SYT6: variants seen among roughly 807,000 people sequenced by gnomAD.
The protein encoded by SYT6 is synaptotagmin-6.
In SYT6, 24 loss-of-function variants were observed where a neutral mutation model predicts 38.4. The observed-to-expected ratio is 0.62, with a 90% confidence interval of 0.45 to 0.88. The LOEUF (loss-of-function observed/expected upper bound fraction) is 0.88. SYT6 is among the 40% of genes least tolerant of loss of function. The pLI is 0.00. For missense variants in SYT6, 611 were observed against 621.0 expected (o/e 0.98, Z 0.17); for synonymous variants, 265 against 241.9 (o/e 1.10, Z -0.89).
intron 1 of SYT6, among the ~76,000 whole-genome samples, chr1:114,150,018 C>A (rs1244220665): frequency 6.6e-6 from 1 of 152,114 alleles, no homozygotes; most frequent in African/African-American, 2.4e-5. Context: ...AAGGGTGCCA[C>A]CCAGTTTAGT....
chr1:114,124,539 G>T (rs1052965147), intron 3 of SYT6, among the ~76,000 whole-genome samples: 5 of 152,194 alleles, frequency 3.3e-5, no homozygotes, highest in Admixed American at 1.3e-4. Context: ...CCACTGGGAA[G>T]TGGCACTTTC....
At chr1:114,113,453 T>C (rs1461409917) in intron 3 of SYT6, among the ~76,000 whole-genome samples, 1 of 152,176 alleles carries the variant, frequency 6.6e-6, no homozygotes, top group Admixed American at 6.5e-5. Flanking sequence ...CAGACTCATA[T>C]ATCCAAAATG....
rs764887193 is a variant in SYT6, at chr1:114,137,901, G to T, written c.665C>A (p.Ala222Asp). 12 of 1,613,926 alleles carry T rather than the reference G, an allele frequency of 7.4e-6. No homozygotes were observed. In the Admixed American group the frequency reaches 1.2e-4, roughly 16 times the overall value. ...GCAGCTCTTGGTGGCCTCAGACTTG[G>T]CATCCTCCCCATCCACCGACTTCTG... ...YKQKSVDGED[A>D]KSEATKSCGK... Residue 222 changes from alanine to aspartate, a missense_variant, in exon 3 of 8, where the codon GCC (alanine) becomes GAC (aspartate). Coordinates refer to ENST00000610222, the MANE Select transcript of SYT6 (RefSeq NM_001253772.2).
Position 114,137,575 on chromosome 1 carries a change from C to T in SYT6, c.991G>A (p.Val331Ile). The change falls in exon 3 of 8, where the codon GTC becomes ATC. Residue 331 changes from valine to isoleucine, a missense_variant. By Grantham distance (29) the Val-to-Ile change is conservative. Transcript: ENST00000610222. ...GCCTCAAAGAGGTTGTCCAGGATGA[C>T]CTCGCCAATCATGTCATGGCGGGAG... Reference protein sequence around the residue: ...RFSRHDMIGEVILDNLFEASD... With the variant: ...RFSRHDMIGEIILDNLFEASD... The T allele has an allele frequency of 6.2e-7, 1 of 1,614,210 alleles. No individual in the cohort carries two copies. Among genetic ancestry groups the T allele is most frequent in the South Asian group, 1.1e-5 (1 of 91,076 alleles).
intron 3 of SYT6, among the ~76,000 whole-genome samples, chr1:114,117,394 G>T (rs940575097): frequency 1.3e-5 from 2 of 152,216 alleles, no homozygotes; most frequent in African/African-American, 2.4e-5. Flanking sequence ...TAAGCCCACT[G>T]GGTGTGCAGT....
At chr1:114,142,628 G>C (rs745974027) in intron 1 of SYT6, among the ~76,000 whole-genome samples, 2 of 152,138 alleles carry the variant, frequency 1.3e-5, no homozygotes, top group Non-Finnish European at 2.9e-5. Flanking sequence ...TCAGACAGCG[G>C]TGCATGCTAC....
At chr1:114,094,415 T>G (rs1045165515) in intron 6 of SYT6, among the ~76,000 whole-genome samples, 31 of 152,262 alleles carry the variant, frequency 2.0e-4, no homozygotes, top group African/African-American at 7.0e-4. Flanking sequence ...CCGGCCCCCG[T>G]AATAAAATGC....
At chr1:114,102,962 T>C (rs12080255) in intron 4 of SYT6, among the ~76,000 whole-genome samples, 4,628 of 152,322 alleles carry the variant, frequency 0.03, 235 homozygotes, top group African/African-American at 0.11. Flanking sequence ...CAGGTCTCTG[T>C]GCAGCTGCCC....
intron 3 of SYT6, among the ~76,000 whole-genome samples, chr1:114,108,690 C>G (rs2101004137): frequency 6.6e-6 from 1 of 152,330 alleles, no homozygotes; most frequent in East Asian, 1.9e-4. Context: ...TCCAAATGCT[C>G]CCATTTTTTA....
chr1:114,103,192 A>G (rs953687289), intron 4 of SYT6, among the ~76,000 whole-genome samples: 15 of 148,646 alleles, frequency 1.0e-4, no homozygotes, highest in Admixed American at 3.3e-4. Flanking sequence ...CACTCAAACG[A>G]CATAACCCTG....
At position 114,137,867 on chromosome 1, in the gene SYT6, G is replaced by T. The variant is rs1678586316; in HGVS notation, c.699C>A (p.Ile233=). ...CGTAATCGTAGCGTAGGCTGAAGTT[G>T]ATCTTCCCGCAGCTCTTGGTGGCCT... The part of the protein sequence containing the change: ...KSEATKSCGK[I]NFSLRYDYET... The change falls in exon 3 of 8, where the codon ATC becomes ATA. Residue 233 remains isoleucine, a synonymous_variant. Transcript: ENST00000610222. The T allele has an allele frequency of 3.1e-6, 5 of 1,614,034 alleles. No homozygotes were observed. Among genetic ancestry groups the T allele is most frequent in the Middle Eastern group, 1.6e-4 (1 of 6,062 alleles).
In SYT6 at chr1:114,137,595, C is replaced by T. The variant is rs200072587; in HGVS notation, c.971G>A (p.Arg324His). 8.9e-5 allele frequency: 144 copies of T among 1,614,144 alleles called. No individual in the cohort carries two copies. Among genetic ancestry groups the T allele is most frequent in the East Asian group, 4.5e-5 (2 of 44,880 alleles). Residue 324 changes from arginine (R) to histidine (H), a missense_variant, in exon 3 of 8, where the codon CGC (arginine) becomes CAC (histidine). By Grantham distance (29) the Arg-to-His change is conservative. Transcript: ENST00000610222. Reference sequence around the variant, plus strand: ...GATGACCTCGCCAATCATGTCATGGCGGGAGAAGCGGTCAAAGTCGAAGAC... The same window carrying T: ...GATGACCTCGCCAATCATGTCATGGTGGGAGAAGCGGTCAAAGTCGAAGAC... Reference protein sequence around the residue: ...LSVFDFDRFSRHDMIGEVILD... With the variant: ...LSVFDFDRFSHHDMIGEVILD...
intron 3 of SYT6, among the ~76,000 whole-genome samples, chr1:114,111,362 G>A (rs1047181409): frequency 6.6e-6 from 1 of 152,180 alleles, no homozygotes; most frequent in African/African-American, 2.4e-5. Flanking sequence ...GAGAGGTTAT[G>A]CAAGTGGCCC....
rs1678751622 is a variant in SYT6 at position 114,139,801 on chromosome 1, G to A, written c.326C>T (p.Pro109Leu). ...ANPPLEALQS[P>L]SFRGNMADKL... ...GTCCGCCATGTTGCCTCTGAAGCTG[G>A]GGCTCTGGAGGGCTTCCAAGGGGGG... is the stretch of plus-strand genomic sequence containing the variant. The change falls in exon 2 of 8, where the codon CCC becomes CTC. Residue 109 changes from proline to leucine, a missense_variant. Pro to Leu is a moderately conservative substitution (Grantham distance 98). Coordinates refer to ENST00000610222, the MANE Select transcript of SYT6 (RefSeq NM_001253772.2). 2 of 1,607,170 alleles carry A rather than the reference G, an allele frequency of 1.2e-6. No homozygotes were observed. Among genetic ancestry groups the A allele is most frequent in the Non-Finnish European group, 1.7e-6 (2 of 1,176,062 alleles).
At chr1:114,106,008 G>A (rs192797105) in intron 3 of SYT6, among the ~76,000 whole-genome samples, 1 of 152,178 alleles carries the variant, frequency 6.6e-6, no homozygotes, top group African/African-American at 2.4e-5. Context: ...AGGTGCTGGA[G>A]TCCCCATCTC....
rs368319366 is a variant in SYT6, at chr1:114,137,945, G to A, written c.621C>T (p.Ile207=). The change falls in exon 3 of 8, where the codon ATC becomes ATT. Residue 207 remains isoleucine (I), a synonymous_variant. Coordinates refer to ENST00000610222, the MANE Select transcript of SYT6 (RefSeq NM_001253772.2). The part of the protein sequence containing the change: ...AAEQPTSIGR[I]KPELYKQKSV... ...ACTTCTGCTTGTAGAGCTCAGGCTTGATGCGGCCAATGCTGGTGGGCTGCT... is the reference window on the plus strand; with the variant it reads ...ACTTCTGCTTGTAGAGCTCAGGCTTAATGCGGCCAATGCTGGTGGGCTGCT... 4 of 1,613,992 alleles carry A rather than the reference G, an allele frequency of 2.5e-6. No homozygotes were observed. In the African/African-American group the frequency reaches 5.3e-5, roughly 22 times the overall value.
At chr1:114,104,310 CA>C (rs1676146101) in intron 3 of SYT6, among the ~76,000 whole-genome samples, 1 of 152,220 alleles carries the variant, frequency 6.6e-6, no homozygotes, top group Non-Finnish European at 1.5e-5. Flanking sequence ...TGCCAGGCCT[CA>C]GGTCCACTTT....
chr1:114,092,421 A>G (rs1330615074), intron 7 of SYT6, among the ~76,000 whole-genome samples: 2 of 151,948 alleles, frequency 1.3e-5, no homozygotes, highest in African/African-American at 4.8e-5. Context: ...CATTTTTCAC[A>G]CTGAAAATCA....
intron 1 of SYT6, 73 bp from the exon 2 acceptor site, chr1:114,140,036 G>C: frequency 2.3e-6 from 2 of 872,348 alleles, no homozygotes; most frequent in Non-Finnish European, 1.7e-6. Context: ...GGGTGTTGGA[G>C]GAGGGGGCAC....
Sources: allele counts gnomAD v4.1 joint callset (sites outside exome capture counted in the v4.1 genomes callset), GRCh38; gene constraint gnomAD v4.1.1; transcripts MANE v1.5; gene names NCBI Gene and HGNC (gene_info 2026-07-23, HGNC 2026-07-21).